The following NTRK3 variants were observed in gnomAD, a reference collection of about 807,000 sequenced individuals.
NTRK3 encodes NT-3 growth factor receptor.
A neutral mutation model predicts 91.7 loss-of-function variants in NTRK3; 24 were observed. That is an observed-to-expected ratio of 0.26 (90% CI 0.19 to 0.37). NTRK3 has a LOEUF of 0.37. NTRK3 is among the 10% of genes least tolerant of loss of function. The pLI is 1.00. For synonymous variants in NTRK3, 483 were observed against 404.0 expected, an observed-to-expected ratio of 1.20 and a Z score of -2.34; for missense variants, 880 against 1,068.9, an observed-to-expected ratio of 0.82 and a Z score of 2.46.
At chr15:87,960,299 A>G (rs528508721) in intron 14 of NTRK3, among the ~76,000 whole-genome samples, 5 of 152,100 alleles carry the variant, frequency 3.3e-5, no homozygotes, top group African/African-American at 1.2e-4. Context: ...CCTCATGTTT[A>G]TTTTTCATCT....
chr15:88,115,799 G>T (rs1054929876), intron 13 of NTRK3, among the ~76,000 whole-genome samples: 1 of 152,100 alleles, frequency 6.6e-6, no homozygotes, highest in Non-Finnish European at 1.5e-5. Context: ...ACCACCTAGG[G>T]CAGTGTCTCT....
intron 13 of NTRK3, among the ~76,000 whole-genome samples, chr15:88,082,914 C>T (rs754528563): frequency 6.6e-6 from 1 of 152,176 alleles, no homozygotes; most frequent in Non-Finnish European, 1.5e-5. Context: ...AAAACAACAA[C>T]ACAGAGAAGC....
intron 11 of NTRK3, among the ~76,000 whole-genome samples, 180 bp from the exon 12 acceptor site, chr15:88,127,406 C>T (rs1378475224): frequency 6.6e-6 from 1 of 152,094 alleles, no homozygotes; most frequent in Non-Finnish European, 1.5e-5. Context: ...CCCCACAGAC[C>T]AGGTTCCTAT....
exon 19 of NTRK3, chr15:87,865,204 G>A: frequency 4.8e-6 from 1 of 206,594 alleles, no homozygotes; most frequent in Non-Finnish European, 9.9e-6. Context: ...ATCATGTATA[G>A]CATTTTGTCA....
intron 13 of NTRK3, among the ~76,000 whole-genome samples, chr15:88,108,006 C>T (rs143612005): frequency 6.6e-6 from 1 of 152,144 alleles, no homozygotes; most frequent in African/African-American, 2.4e-5. Flanking sequence ...GACCCAGAAC[C>T]AACAGTCAGG....
chr15:88,119,452 G>A (rs899909960), intron 13 of NTRK3, among the ~76,000 whole-genome samples: 12 of 152,190 alleles, frequency 7.9e-5, no homozygotes, highest in African/African-American at 2.4e-4. Context: ...TTGAGGAAGC[G>A]GGGTGGTTGG....
intron 14 of NTRK3, among the ~76,000 whole-genome samples, chr15:88,009,254 A>C (rs1393145747): frequency 6.6e-6 from 1 of 152,252 alleles, no homozygotes; most frequent in Non-Finnish European, 1.5e-5. Flanking sequence ...TATGCAGAAC[A>C]CTTTGCATTT....
chr15:88,177,736 G>T (rs1378699032), intron 5 of NTRK3, among the ~76,000 whole-genome samples: 1 of 152,204 alleles, frequency 6.6e-6, no homozygotes, highest in African/African-American at 2.4e-5. Context: ...ATACAAATTT[G>T]GGAGTTGGTT....
intron 17 of NTRK3, among the ~76,000 whole-genome samples, chr15:87,896,039 T>G (rs1232594897): frequency 1.3e-5 from 2 of 152,160 alleles, no homozygotes; most frequent in Admixed American, 6.5e-5. Context: ...ATGTATTTGA[T>G]TGATGTCTCA....
At chr15:87,908,163 C>T (rs527771924) in intron 17 of NTRK3, among the ~76,000 whole-genome samples, 180 of 152,336 alleles carry the variant, frequency 1.2e-3, no homozygotes, top group Non-Finnish European at 2.1e-3. Flanking sequence ...AGCCTTCAGC[C>T]TCCACCACAC....
chr15:88,124,576 T>C (rs917341958), intron 13 of NTRK3, among the ~76,000 whole-genome samples: 3 of 152,330 alleles, frequency 2.0e-5, no homozygotes, highest in South Asian at 2.1e-4. Flanking sequence ...GGAAGAGCTA[T>C]AAAAGCTCCC....
chr15:87,917,836 T>C (rs1246005464), intron 17 of NTRK3, among the ~76,000 whole-genome samples: 1 of 152,170 alleles, frequency 6.6e-6, no homozygotes, highest in East Asian at 1.9e-4. Flanking sequence ...CTGAGGTCCT[T>C]ACCAGAAGCA....
chr15:88,183,017 C>A (rs563375232), intron 5 of NTRK3, among the ~76,000 whole-genome samples: 1 of 130,346 alleles, frequency 7.7e-6, no homozygotes, highest in Non-Finnish European at 1.6e-5. Context: ...TTGCAACCCC[C>A]CCCCGCCCCC....
At chr15:88,198,094 T>C (rs2141238840) in intron 3 of NTRK3, among the ~76,000 whole-genome samples, 1 of 152,298 alleles carries the variant, frequency 6.6e-6, no homozygotes, top group African/African-American at 2.4e-5. Context: ...AAAGAATGTT[T>C]ATTTTCCTCT....
chr15:87,999,610 T>C (rs1006276933), intron 14 of NTRK3, among the ~76,000 whole-genome samples: 4 of 152,188 alleles, frequency 2.6e-5, no homozygotes, highest in Admixed American at 6.5e-5. Flanking sequence ...CTGGGAGGAA[T>C]ATGGCAGGCC....
rs1168450710 is a variant in NTRK3, at chr15:87,926,906, C to G, written c.2133+2285G>C. 4 of 152,228 alleles carry G rather than the reference C, an allele frequency of 2.6e-5. No individual in the cohort carries two copies. In the East Asian group the frequency reaches 5.8e-4, roughly 22 times the overall value. The allele number at this position is 152,228 out of a possible 1,614,324, so 9.4% of individuals were successfully genotyped here. A position where few individuals can be genotyped will look rare whatever the true frequency, so the allele number is the denominator to read the frequency against. On this transcript the variant is annotated intron_variant, in intron 17 of 18. Coordinates refer to ENST00000394480, the Ensembl canonical transcript of NTRK3. ...CTACATAGATCTGAGCACAGTCAGACAGACCAGCAAACCCCATTAAACAAA... is the reference window on the plus strand; with the variant it reads ...CTACATAGATCTGAGCACAGTCAGAGAGACCAGCAAACCCCATTAAACAAA...
intron 17 of NTRK3, among the ~76,000 whole-genome samples, chr15:87,914,207 T>C: frequency 6.6e-6 from 1 of 152,240 alleles, no homozygotes; most frequent in East Asian, 1.9e-4. Flanking sequence ...TTTGATGCTA[T>C]GGCCTTTGAA....
chr15:88,219,794 G>A lies in NTRK3; in HGVS notation c.249-35495C>T, dbSNP rs534144962. ...TTCTGAGTGCCAGGCCCTGCACTGA[G>A]TGCATTACATCATCTCTCAGCCCAT... is the stretch of plus-strand genomic sequence containing the variant. On this transcript the variant is annotated intron_variant, in intron 3 of 18. Transcript: ENST00000394480. Among the ~76,000 whole-genome samples, 9 of 152,338 alleles carry A rather than the reference G, an allele frequency of 5.9e-5. No individual in the cohort carries two copies. The South Asian group carries it at 6.2e-4, about 11-fold the overall frequency.
intron 14 of NTRK3, among the ~76,000 whole-genome samples, chr15:88,024,074 C>T (rs2077817923): frequency 6.6e-6 from 1 of 152,180 alleles, no homozygotes; most frequent in South Asian, 2.1e-4. Context: ...CTGCATTATG[C>T]ACACAGGCTC....
Sources: gnomAD v4.1 joint callset for allele counts (sites outside exome capture counted in the v4.1 genomes callset) on GRCh38, gnomAD v4.1.1 for gene constraint, MANE v1.5 for transcripts, NCBI Gene and HGNC (gene_info 2026-07-23, HGNC 2026-07-21) for gene names.